The following AFDN variants were observed in gnomAD, a reference collection of about 807,000 sequenced individuals.
AFDN encodes afadin, adherens junction formation factor.
A neutral mutation model predicts 216.6 loss-of-function variants in AFDN; 68 were observed. The ratio of observed to expected loss-of-function variants is 0.31; its 90% CI spans 0.26 to 0.38. The LOEUF is 0.38. Among genes scored for constraint, AFDN ranks in the 10% least tolerant of loss-of-function variants. AFDN has a pLI of 1.00. For missense variants in AFDN, 2,136 were observed against 2,342.0 expected (o/e 0.91, Z 1.82); for synonymous variants, 868 against 853.7 (o/e 1.02, Z -0.29).
rs990371647 is a variant in AFDN at position 167,966,404 on chromosome 6, C to G, written c.5257+359C>G. On this transcript the variant is annotated intron_variant, in intron 32 of 33. Coordinates refer to ENST00000683244, the MANE Select transcript of AFDN (RefSeq NM_001386888.1). ...TTGGAATTTGGATGTCATGTGATCACTGGTCTCGGCATGGTGATCCTCCTC... is the reference window on the plus strand; with the variant it reads ...TTGGAATTTGGATGTCATGTGATCAGTGGTCTCGGCATGGTGATCCTCCTC... 3.1e-5 allele frequency: 23 copies of G among 745,708 alleles called. No individual in the cohort carries two copies. The African/African-American group carries it at 3.8e-4, about 12-fold the overall frequency. The allele number at this position is 745,708 out of a possible 1,614,324, so 46.2% of individuals were successfully genotyped here.
In AFDN at chr6:167,948,447, C is replaced by T. The variant is rs767339411; in HGVS notation, c.3800C>T (p.Thr1267Ile). 7 of 1,614,176 alleles carry T rather than the reference C, an allele frequency of 4.3e-6. No homozygotes were observed. In the South Asian group the frequency reaches 6.6e-5, roughly 15 times the overall value. Reference protein sequence around the residue: ...PNYEEKPHMHTDSNHSSIAIQ... With the variant: ...PNYEEKPHMHIDSNHSSIAIQ... ...TATGAGGAAAAGCCACATATGCACA[C>T]AGATAGTAATCATTCCAGTATTGCA... is the stretch of plus-strand genomic sequence containing the variant. Residue 1267 changes from threonine (T) to isoleucine (I), a missense_variant, in exon 29 of 34, where the codon ACA becomes ATA. Transcript: ENST00000683244.
intron 5 of AFDN, among the ~76,000 whole-genome samples, chr6:167,876,396 C>G (rs1340564149): frequency 6.6e-6 from 1 of 152,088 alleles, no homozygotes; most frequent in East Asian, 1.9e-4. Flanking sequence ...TTGTCTTGTT[C>G]TGTCAAGAAT....
At chr6:167,942,167 A>T (rs1794769806) in intron 23 of AFDN, among the ~76,000 whole-genome samples, 2 of 152,204 alleles carry the variant, frequency 1.3e-5, no homozygotes, top group African/African-American at 2.4e-5. Flanking sequence ...CTGTAAACTT[A>T]ACTTGTTAAC....
chr6:167,902,662 A>G (rs888495654), intron 12 of AFDN, among the ~76,000 whole-genome samples: 1 of 152,230 alleles, frequency 6.6e-6, no homozygotes, highest in African/African-American at 2.4e-5. Flanking sequence ...TATTATAACA[A>G]TATACTCAAA....
intron 1 of AFDN, among the ~76,000 whole-genome samples, chr6:167,847,104 C>T (rs1781784115): frequency 6.6e-6 from 1 of 152,148 alleles, no homozygotes; most frequent in Non-Finnish European, 1.5e-5. Context: ...CCACTCTCCT[C>T]AAAGTCATTA....
intron 33 of AFDN, 89 bp downstream of exon 33, chr6:167,969,287 C>G (rs1380863274): frequency 3.1e-6 from 3 of 962,216 alleles, no homozygotes; most frequent in African/African-American, 3.2e-5. Context: ...TGTAAACAGA[C>G]TTCATGGCTT....
chr6:167,965,935 A>C lies in AFDN; in HGVS notation c.5147A>C (p.Gln1716Pro). ...PAPGAPPPPP[Q>P]RNASYLKTQV... is the part of the protein sequence containing the mutation. ...CCCGGCGCCCCTCCTCCCCCGCCTC[A>C]GCGAAACGCCTCCTACCTCAAAACA... Residue 1716 changes from glutamine to proline, a missense_variant, in exon 32 of 34, where the codon CAG (glutamine) becomes CCG (proline). Coordinates refer to ENST00000683244, the MANE Select transcript of AFDN (RefSeq NM_001386888.1). 1 of 1,533,656 alleles carries C rather than the reference A, an allele frequency of 6.5e-7. No homozygotes were observed. Among genetic ancestry groups the C allele is most frequent in the African/African-American group, 1.5e-5 (1 of 68,660 alleles).
chr6:167,865,416 G>A (rs1315781676), intron 2 of AFDN, among the ~76,000 whole-genome samples: 1 of 151,886 alleles, frequency 6.6e-6, no homozygotes, highest in Non-Finnish European at 1.5e-5. Flanking sequence ...AAGATTGCTT[G>A]AGGCAACATA....
chr6:167,959,519 A>C (rs1796843004), intron 30 of AFDN, among the ~76,000 whole-genome samples: 1 of 152,206 alleles, frequency 6.6e-6, no homozygotes, highest in African/African-American at 2.4e-5. Flanking sequence ...TAGGGTGGAC[A>C]TTTTTAAAGG....
chr6:167,924,104 AAAAT>A (rs1190876572), intron 22 of AFDN, among the ~76,000 whole-genome samples: 2 of 151,868 alleles, frequency 1.3e-5, no homozygotes, highest in African/African-American at 4.9e-5. Context: ...TTTAAAAAAA[AAAAT>A]AATAATTCTA....
intron 19 of AFDN, among the ~76,000 whole-genome samples, chr6:167,915,640 A>G (rs1362112210): frequency 2.6e-5 from 4 of 152,240 alleles, no homozygotes; most frequent in African/African-American, 9.6e-5. Context: ...ATTGTATGCC[A>G]TAATTGTTAC....
chr6:167,903,923 C>T (rs777907148), intron 12 of AFDN, among the ~76,000 whole-genome samples: 2 of 152,208 alleles, frequency 1.3e-5, no homozygotes, highest in Admixed American at 1.3e-4. Flanking sequence ...GCCACAACCA[C>T]GTACTTGATG....
intron 6 of AFDN, among the ~76,000 whole-genome samples, chr6:167,881,035 C>T (rs1487267109): frequency 6.6e-6 from 1 of 152,174 alleles, no homozygotes; most frequent in African/African-American, 2.4e-5. Flanking sequence ...TGCATTGCCT[C>T]TGTAGATCAA....
At chr6:167,912,341 C>T (rs993108812) in intron 15 of AFDN, among the ~76,000 whole-genome samples, 2 of 152,162 alleles carry the variant, frequency 1.3e-5, no homozygotes, top group African/African-American at 2.4e-5. Flanking sequence ...CTTAATAAAA[C>T]TCTAGTTATA....
intron 1 of AFDN, among the ~76,000 whole-genome samples, chr6:167,836,646 AAT>A (rs1169164021): frequency 1.3e-5 from 2 of 152,168 alleles, no homozygotes; most frequent in Non-Finnish European, 2.9e-5. Context: ...TTTTGCACAA[AAT>A]ATATTGTGTT....
intron 23 of AFDN, among the ~76,000 whole-genome samples, chr6:167,937,438 G>A (rs141337395): frequency 0.017 from 2,563 of 152,226 alleles, 26 homozygotes; most frequent in Non-Finnish European, 0.025. Flanking sequence ...TGTAGAGACA[G>A]GATCTCGCCA....
chr6:167,878,661 T>C, intron 5 of AFDN, among the ~76,000 whole-genome samples: 1 of 152,124 alleles, frequency 6.6e-6, no homozygotes, highest in East Asian at 1.9e-4. Context: ...TGGCTTTCAC[T>C]TTAACTAGAA....
At chr6:167,940,275 A>C (rs1346790295) in intron 23 of AFDN, among the ~76,000 whole-genome samples, 1 of 142,628 alleles carries the variant, frequency 7.0e-6, no homozygotes, top group Non-Finnish European at 1.5e-5. Context: ...AGAGGGATGT[A>C]GGGGTGAGGG....
chr6:167,941,929 C>T (rs529965688), intron 23 of AFDN, among the ~76,000 whole-genome samples: 23 of 152,280 alleles, frequency 1.5e-4, no homozygotes, highest in African/African-American at 5.5e-4. Context: ...ATAATGTAAC[C>T]CATGAAATTT....
Sources: allele counts gnomAD v4.1 joint callset (sites outside exome capture counted in the v4.1 genomes callset), GRCh38; gene constraint gnomAD v4.1.1; transcripts MANE v1.5; gene names NCBI Gene and HGNC (gene_info 2026-07-23, HGNC 2026-07-21).